The following ELP3 variants were observed in gnomAD, a reference collection of about 807,000 sequenced individuals.
The protein encoded by ELP3 is elongator acetyltransferase complex subunit 3, also known as elongator complex protein 3.
In ELP3, 56 loss-of-function variants were observed where a neutral mutation model predicts 74.9. The observed-to-expected ratio is 0.75, with a 90% CI of 0.60 to 0.93. ELP3 has a LOEUF of 0.93. Ranked by LOEUF, ELP3 falls within the 40% of genes least tolerant of loss-of-function variation. The pLI is 0.00. For synonymous variants in ELP3, 222 were observed against 239.8 expected (o/e 0.93, Z 0.68); for missense variants, 573 against 686.5 (o/e 0.83, Z 1.85).
intron 11 of ELP3, among the ~76,000 whole-genome samples, chr8:28,157,699 A>G (rs1036574561): frequency 6.6e-6 from 1 of 152,148 alleles, no homozygotes; most frequent in Non-Finnish European, 1.5e-5. Flanking sequence ...GGTTTGTTCT[A>G]TGGGGGGGAA....
chr8:28,177,616 G>A (rs953907047), intron 14 of ELP3, among the ~76,000 whole-genome samples: 1 of 152,204 alleles, frequency 6.6e-6, no homozygotes, highest in Non-Finnish European at 1.5e-5. Context: ...TTAAAGGATA[G>A]ATTTACAAGT....
At chr8:28,184,674 T>C (rs376840893) in intron 14 of ELP3, among the ~76,000 whole-genome samples, 1 of 152,214 alleles carries the variant, frequency 6.6e-6, no homozygotes, top group African/African-American at 2.4e-5. Context: ...TAGACAAATA[T>C]AGGTTGATGC....
At chr8:28,144,881 A>C (rs936167240) in intron 10 of ELP3, among the ~76,000 whole-genome samples, 5 of 152,160 alleles carry the variant, frequency 3.3e-5, no homozygotes, top group African/African-American at 1.2e-4. Flanking sequence ...TCTACTAAAA[A>C]TACAAAAAAA....
At chr8:28,105,623 CACAT>C (rs1426817811) in intron 3 of ELP3, among the ~76,000 whole-genome samples, 6 of 152,220 alleles carry the variant, frequency 3.9e-5, no homozygotes, top group African/African-American at 1.4e-4. Flanking sequence ...ATAACATGCA[CACAT>C]ACATGTAACA....
intron 10 of ELP3, among the ~76,000 whole-genome samples, chr8:28,146,578 C>G (rs1210753378): frequency 6.6e-6 from 1 of 152,162 alleles, no homozygotes; most frequent in Non-Finnish European, 1.5e-5. Context: ...TTAACTCCTA[C>G]CTAGATGAAT....
intron 10 of ELP3, among the ~76,000 whole-genome samples, chr8:28,140,196 T>A (rs543576432): frequency 6.6e-6 from 1 of 151,710 alleles, no homozygotes; most frequent in African/African-American, 2.4e-5. Context: ...TGAGCACAGC[T>A]GGTTTCTAGA....
At chr8:28,090,385 G>C (rs113517653), upstream of ELP3, 1 of 381,362 alleles carries the variant, frequency 2.6e-6, no homozygotes, top group Non-Finnish European at 5.1e-6. Flanking sequence ...CGGTCTGGTG[G>C]TGAATCCTCC....
chr8:28,119,409 T>C (rs1174943262), intron 7 of ELP3, among the ~76,000 whole-genome samples: 1 of 151,812 alleles, frequency 6.6e-6, no homozygotes, highest in East Asian at 1.9e-4. Context: ...GTCTCTCGCG[T>C]GTGCTTGCGC....
Position 28,162,021 on chromosome 8 carries a change from G to A in ELP3, c.1510G>A (p.Glu504Lys). 6.2e-7 allele frequency: 1 copy of A among 1,614,164 alleles called. No individual in the cohort carries two copies. The highest frequency in any genetic ancestry group is 8.5e-7 in the Non-Finnish European group (1 of 1,180,008). Residue 504 changes from glutamate (E) to lysine (K), a missense_variant, in exon 14 of 15, where the codon GAA becomes AAA. Coordinates refer to ENST00000256398, the MANE Select transcript of ELP3 (RefSeq NM_018091.6). ...GGGATTTGGCATGCTGCTGATGGAGGAAGCAGAAAGAATAGCTAGAGAAGA... is the reference window on the plus strand; with the variant it reads ...GGGATTTGGCATGCTGCTGATGGAGAAAGCAGAAAGAATAGCTAGAGAAGA... ...HQGFGMLLME[E>K]AERIAREEHG... is the part of the protein sequence containing the mutation.
intron 14 of ELP3, among the ~76,000 whole-genome samples, chr8:28,167,424 C>T (rs55809000): frequency 0.11 from 17,341 of 152,178 alleles, 1,115 homozygotes; most frequent in East Asian, 0.31. Flanking sequence ...ATTCGACCTT[C>T]ACCTGTCTCT....
At chr8:28,104,634 A>G (rs1447002110) in intron 3 of ELP3, among the ~76,000 whole-genome samples, 2 of 152,200 alleles carry the variant, frequency 1.3e-5, no homozygotes, top group Non-Finnish European at 2.9e-5. Context: ...GTGTGGGTTC[A>G]TCAGCTGTTT....
chr8:28,182,178 G>A (rs1815039249), intron 14 of ELP3, among the ~76,000 whole-genome samples: 1 of 151,764 alleles, frequency 6.6e-6, no homozygotes, highest in African/African-American at 2.4e-5. Flanking sequence ...AGTGAACTCA[G>A]GTACCACACA....
At chr8:28,180,445 G>A (rs1459309595) in intron 14 of ELP3, among the ~76,000 whole-genome samples, 1 of 152,086 alleles carries the variant, frequency 6.6e-6, no homozygotes, top group Non-Finnish European at 1.5e-5. Flanking sequence ...TAAATTTCTG[G>A]TATCTTTTTC....
At chr8:28,161,159 A>G (rs1814069885) in intron 13 of ELP3, among the ~76,000 whole-genome samples, 1 of 152,182 alleles carries the variant, frequency 6.6e-6, no homozygotes, top group Non-Finnish European at 1.5e-5. Context: ...ACCCCAGACA[A>G]CCTACCTTAA....
intron 10 of ELP3, among the ~76,000 whole-genome samples, chr8:28,150,304 ATT>A (rs1813592803): frequency 6.6e-6 from 1 of 152,118 alleles, no homozygotes; most frequent in Admixed American, 6.5e-5. Context: ...TTTGTTCAAC[ATT>A]TCTCTTTATG....
intron 14 of ELP3, among the ~76,000 whole-genome samples, chr8:28,171,132 A>G (rs1046507521): frequency 5.3e-5 from 8 of 152,214 alleles, no homozygotes; most frequent in Admixed American, 2.0e-4. Flanking sequence ...GCTATTGTCA[A>G]TAATATTGCA....
chr8:28,096,257 T>A (rs961581813), intron 1 of ELP3, among the ~76,000 whole-genome samples: 4 of 152,244 alleles, frequency 2.6e-5, no homozygotes, highest in Non-Finnish European at 5.9e-5. Flanking sequence ...TGGTGAATTG[T>A]ATAATTATTT....
Position 28,093,251 on chromosome 8 carries a change from G to A in ELP3, c.19+18G>A, listed in dbSNP as rs912987734. 1 of 1,613,070 alleles carries A rather than the reference G, an allele frequency of 6.2e-7. No homozygotes were observed. Among genetic ancestry groups the A allele is most frequent in the East Asian group, 2.2e-5 (1 of 44,864 alleles). ...GCGGAAAGGTGCGAAAGGGGAAGGA[G>A]ATGGGGGAAAGGGGTGGTCCGAAAG... is the stretch of plus-strand genomic sequence containing the variant. On this transcript the variant is annotated intron_variant, in intron 1 of 14. Coordinates refer to ENST00000256398, the MANE Select transcript of ELP3 (RefSeq NM_018091.6).
Position 28,139,691 on chromosome 8 carries a change from T to C in ELP3, c.1100+1800T>C, listed in dbSNP as rs561506181. On this transcript the variant is annotated intron_variant, in intron 10 of 14. Transcript: ENST00000256398. The stretch of plus-strand genomic sequence containing the variant: ...CAGGCGTGGTGGCTCACGCCTGCAA[T>C]CCCAGCATTTTGGGAGGCCGAAGTG... 2.0e-5 allele frequency among the ~76,000 whole-genome samples: 3 copies of C among 152,310 alleles called. No individual in the cohort carries two copies. The East Asian group carries it at 5.8e-4, about 29-fold the overall frequency.
Sources: gnomAD v4.1 joint callset for allele counts (sites outside exome capture counted in the v4.1 genomes callset) on GRCh38, gnomAD v4.1.1 for gene constraint, MANE v1.5 for transcripts, NCBI Gene and HGNC (gene_info 2026-07-23, HGNC 2026-07-21) for gene names.